FBXO31: variants seen among roughly 807,000 people sequenced by gnomAD.
FBXO31 encodes F-box only protein 31.
Under a neutral mutation model 54.4 loss-of-function variants are expected in FBXO31, and 24 were observed. The observed-to-expected ratio is 0.44, with a 90% confidence interval of 0.32 to 0.62. FBXO31 has a LOEUF of 0.62. Among genes scored for constraint, FBXO31 ranks in the 20% least tolerant of loss-of-function variants. The pLI, the probability that FBXO31 is intolerant of heterozygous loss-of-function variation, is 0.05. For missense variants in FBXO31, 665 were observed against 787.1 expected, an observed-to-expected ratio of 0.84 and a Z score of 1.86; for synonymous variants, 388 against 335.6, an observed-to-expected ratio of 1.16 and a Z score of -1.71.
chr16:87,355,543 C>A lies in FBXO31; in HGVS notation c.412+4752G>T, dbSNP rs182426641. ...AAATTTGTCCAAAGAGAAATGCAAC[C>A]AATGTTTAACTGCTGTTTTTCATTT... is the stretch of plus-strand genomic sequence containing the variant. On this transcript the variant is annotated intron_variant, in intron 2 of 8. Transcript: ENST00000311635. Among the ~76,000 whole-genome samples the A allele has an allele frequency of 2.0e-3, 309 of 152,318 alleles. 1 individual carries two copies. The highest frequency in any genetic ancestry group is 7.1e-3 in the African/African-American group (294 of 41,552).
chr16:87,335,229 CA>C lies in FBXO31; in HGVS notation c.996+74del. On this transcript the variant is annotated intron_variant, in intron 7 of 8. Coordinates refer to ENST00000311635, the MANE Select transcript of FBXO31 (RefSeq NM_024735.5). This position sits in a 1 kb window ranked among gnomAD's most constrained non-coding sequence, Gnocchi z 5.7. ...AGGGTGCCGGGGATCAGTGTCTGCC[CA>C]AGTTCCCTGACTCCACAGCCCACTT... The C allele has an allele frequency of 6.3e-7, 1 of 1,595,866 alleles. No individual in the cohort carries two copies. The highest frequency in any genetic ancestry group is 1.1e-5 in the South Asian group (1 of 90,492).
chr16:87,342,867 G>A lies in FBXO31; in HGVS notation c.732+10C>T, dbSNP rs770187392. ...CACCATATGAACACAGGGCCGGCTGGTGGGCTCACCTCCTGCCTCCCGCCG... is the reference window on the plus strand; with the variant it reads ...CACCATATGAACACAGGGCCGGCTGATGGGCTCACCTCCTGCCTCCCGCCG... On this transcript the variant is annotated intron_variant, in intron 5 of 8. Transcript: ENST00000311635. 3.8e-6 allele frequency: 6 copies of A among 1,593,304 alleles called. No individual in the cohort carries two copies. Among genetic ancestry groups the A allele is most frequent in the Admixed American group, 1.8e-5 (1 of 56,700 alleles).
chr16:87,380,042 G>C (rs1433026512), intron 1 of FBXO31, among the ~76,000 whole-genome samples: 1 of 147,496 alleles, frequency 6.8e-6, no homozygotes, highest in Non-Finnish European at 1.5e-5. Flanking sequence ...GCTCACGCCT[G>C]TAATCCCAGC....
At chr16:87,342,592 T>C (rs1293219900) in intron 5 of FBXO31, among the ~76,000 whole-genome samples, 1 of 151,968 alleles carries the variant, frequency 6.6e-6, no homozygotes, top group Non-Finnish European at 1.5e-5. Flanking sequence ...CCTCAGCAAG[T>C]GGATGTGCCC....
rs1351378056 is a variant in FBXO31 at position 87,335,801 on chromosome 16, C to T, written c.843-344G>A. 6.6e-6 allele frequency among the ~76,000 whole-genome samples: 1 copy of T among 152,234 alleles called. No homozygotes were observed. The highest frequency in any genetic ancestry group is 1.9e-4 in the East Asian group (1 of 5,178). On this transcript the variant is annotated intron_variant, in intron 6 of 8. Coordinates refer to ENST00000311635, the MANE Select transcript of FBXO31 (RefSeq NM_024735.5). This position sits in a 1 kb window ranked among gnomAD's most constrained non-coding sequence, Gnocchi z 5.7. ...GAGGGGATCCCCGCACTGGGCTGAG[C>T]GGGGCTGAGCTCTAGAGTGCCAGTG...
intron 1 of FBXO31, among the ~76,000 whole-genome samples, chr16:87,371,684 T>C (rs182441924): frequency 1.8e-4 from 27 of 152,360 alleles, no homozygotes; most frequent in Non-Finnish European, 3.5e-4. Flanking sequence ...GCCCTGTGTG[T>C]ACATGGCCTT....
chr16:87,386,581 G>A (rs2150703835), upstream of FBXO31, among the ~76,000 whole-genome samples: 2 of 152,326 alleles, frequency 1.3e-5, no homozygotes, highest in East Asian at 3.9e-4. Context: ...TTACAGGCGA[G>A]TGCCACCACA....
intron 1 of FBXO31, among the ~76,000 whole-genome samples, chr16:87,369,494 C>T (rs11648431): frequency 0.53 from 79,936 of 152,096 alleles, 23,116 homozygotes; most frequent in African/African-American, 0.7. Context: ...CAGCTGCGTG[C>T]ATCATCAGGA....
intron 2 of FBXO31, among the ~76,000 whole-genome samples, chr16:87,349,627 CTT>C (rs1383586629): frequency 6.6e-6 from 1 of 152,032 alleles, no homozygotes; most frequent in Non-Finnish European, 1.5e-5. Context: ...AGGAGAATCA[CTT>C]GAACAGGGAG....
intron 1 of FBXO31, among the ~76,000 whole-genome samples, chr16:87,369,054 G>T (rs916569449): frequency 2.6e-5 from 4 of 152,074 alleles, no homozygotes; most frequent in African/African-American, 9.7e-5. Context: ...CTCCCAAAGT[G>T]CTAGGAATAC....
intron 2 of FBXO31, among the ~76,000 whole-genome samples, chr16:87,349,124 A>G (rs981443104): frequency 6.6e-6 from 1 of 152,230 alleles, no homozygotes; most frequent in Non-Finnish European, 1.5e-5. Flanking sequence ...CACTCAGCTA[A>G]TCATCAATAA....
At chr16:87,357,223 C>T (rs530333830) in intron 2 of FBXO31, among the ~76,000 whole-genome samples, 1 of 149,810 alleles carries the variant, frequency 6.7e-6, no homozygotes, top group South Asian at 2.1e-4. Context: ...CCAACCTGGG[C>T]AACAAGACAG....
chr16:87,353,379 T>A (rs1246979307), intron 2 of FBXO31, among the ~76,000 whole-genome samples: 2 of 152,160 alleles, frequency 1.3e-5, no homozygotes, highest in African/African-American at 4.8e-5. Context: ...GTGGTCTCCC[T>A]CAAAATTCAC....
Position 87,360,304 on chromosome 16 carries a change from A to T in FBXO31, c.403T>A (p.Tyr135Asn). 1 of 1,614,168 alleles carries T rather than the reference A, an allele frequency of 6.2e-7. No homozygotes were observed. The highest frequency in any genetic ancestry group is 8.5e-7 in the Non-Finnish European group (1 of 1,179,976). Residue 135 changes from tyrosine to asparagine, a missense_variant, in exon 2 of 9, where the codon TAT becomes AAT. Tyr to Asn is a moderately radical substitution (Grantham distance 143). Transcript: ENST00000311635. ...AAATAGATTCACTCACGCTTCGCATAGACGTCCCGACAAGACACGCCTGTG... is the reference window on the plus strand; with the variant it reads ...AAATAGATTCACTCACGCTTCGCATTGACGTCCCGACAAGACACGCCTGTG... ...EITGVSCRDV[Y>N]AKLLHRYRHI...
upstream of FBXO31, among the ~76,000 whole-genome samples, chr16:87,386,815 A>G (rs117685721): frequency 0.012 from 1,774 of 152,344 alleles, 9 homozygotes; most frequent in Non-Finnish European, 0.018. Flanking sequence ...TGGCAAATCT[A>G]TTTTAATATA....
rs560823090 is a variant in FBXO31, at chr16:87,351,688, G to A, written c.413-4438C>T. On this transcript the variant is annotated intron_variant, in intron 2 of 8. Coordinates refer to ENST00000311635, the MANE Select transcript of FBXO31 (RefSeq NM_024735.5). The stretch of plus-strand genomic sequence containing the variant: ...GTTTAAGACCAGCCTGGCCAACATG[G>A]TGAAATCCCGTCTCTACTAAAAATA... Among the ~76,000 whole-genome samples the A allele has an allele frequency of 2.6e-5, 4 of 152,246 alleles. No homozygotes were observed. In the South Asian group the frequency reaches 8.3e-4, roughly 32 times the overall value.
At position 87,345,571 on chromosome 16, in the gene FBXO31, C is replaced by G. The variant is rs767831533; in HGVS notation, c.489+1603G>C. 1.7e-4 allele frequency among the ~76,000 whole-genome samples: 26 copies of G among 152,236 alleles called. No homozygotes were observed. Among genetic ancestry groups the G allele is most frequent in the Non-Finnish European group, 3.5e-4 (24 of 68,048 alleles). ...AGAAACTAAAACTACAAGCAGACAT[C>G]TGCTCCTGGCCCTGGCCCCAGAGCT... On this transcript the variant is annotated intron_variant, in intron 3 of 8. Coordinates refer to ENST00000311635, the MANE Select transcript of FBXO31 (RefSeq NM_024735.5). The surrounding 1 kb of genome is among the most constrained non-coding windows in gnomAD (Gnocchi z 4.9).
chr16:87,377,912 C>A (rs1335173160), intron 1 of FBXO31, among the ~76,000 whole-genome samples: 2 of 151,934 alleles, frequency 1.3e-5, no homozygotes, highest in African/African-American at 4.8e-5. Context: ...AATCCCAGCA[C>A]TTTGGGAGCC....
intron 3 of FBXO31, 42 bp from the exon 4 acceptor site, chr16:87,343,807 G>C: frequency 1.2e-6 from 2 of 1,609,824 alleles, no homozygotes; most frequent in Non-Finnish European, 8.5e-7. Flanking sequence ...TGGCTCCCGG[G>C]CCAGAGCAAG....
Sources: gnomAD v4.1 joint callset for allele counts (sites outside exome capture counted in the v4.1 genomes callset) on GRCh38, gnomAD v4.1.1 for gene constraint, Gnocchi (gnomAD v3.1) non-coding constraint, MANE v1.5 for transcripts, NCBI Gene and HGNC (gene_info 2026-07-23, HGNC 2026-07-21) for gene names.